The following CD1A variants were observed in gnomAD, a reference collection of about 807,000 sequenced individuals.
CD1A encodes the protein CD1a molecule, also known as T-cell surface glycoprotein CD1a.
In CD1A, 50 loss-of-function variants were observed where a neutral mutation model predicts 38.3. The ratio of observed to expected loss-of-function variants is 1.30; its 90% CI spans 1.04 to 1.65. The LOEUF (loss-of-function observed/expected upper bound fraction) is 1.65. Among genes scored for constraint, CD1A ranks in the 40% most tolerant of loss-of-function variants. The pLI is 0.00. For synonymous variants in CD1A, 160 were observed against 150.8 expected (o/e 1.06, Z -0.45); for missense variants, 459 against 406.1 (o/e 1.13, Z -1.12).
Position 158,254,472 on chromosome 1 carries a change from C to G in CD1A, c.-198C>G. 1 of 1,413,408 alleles carries G rather than the reference C, an allele frequency of 7.1e-7. No homozygotes were observed. Among genetic ancestry groups the G allele is most frequent in the Non-Finnish European group, 9.2e-7 (1 of 1,084,420 alleles). The allele number at this position is 1,413,408 out of a possible 1,614,324, so 87.6% of individuals were successfully genotyped here. On this transcript the variant is annotated 5_prime_UTR_variant, in exon 1 of 6. Coordinates refer to ENST00000289429, the MANE Select transcript of CD1A (RefSeq NM_001763.3). ...GAGAAGCTGGAACAGAGAGGAGAGT[C>G]AGAACCAGAGGGAAATGAGAGACTG...
intron 2 of CD1A, 104 bp downstream of exon 2, chr1:158,255,454 T>C: frequency 4.1e-6 from 5 of 1,217,432 alleles, no homozygotes; most frequent in Non-Finnish European, 3.4e-6. Context: ...CTGTATCTTA[T>C]TCTATTCTTT....
chr1:158,255,413 T>G, intron 2 of CD1A, 63 bp downstream of exon 2: 1 of 1,513,500 alleles, frequency 6.6e-7, no homozygotes, highest in Non-Finnish European at 9.1e-7. Context: ...TCAATGTTTC[T>G]TATTCCTTTA....
chr1:158,256,138 G>T lies in CD1A; in HGVS notation c.460G>T (p.Ala154Ser), dbSNP rs1268668698. Residue 154 changes from alanine (A) to serine (S), a missense_variant, in exon 3 of 6, where the codon GCT becomes TCT. Coordinates refer to ENST00000289429, the MANE Select transcript of CD1A (RefSeq NM_001763.3). ...QNNSWLPYPV[A>S]GNMAKHFCKV... ...CAATTCATGGTTGCCATATCCAGTG[G>T]CTGGGAATATGGCCAAGCATTTCTG... The T allele has an allele frequency of 3.1e-6, 5 of 1,614,146 alleles. No homozygotes were observed. Among genetic ancestry groups the T allele is most frequent in the South Asian group, 1.1e-5 (1 of 91,080 alleles).
chr1:158,253,810 A>G (rs754178331), upstream of CD1A, among the ~76,000 whole-genome samples: 11 of 151,934 alleles, frequency 7.2e-5, no homozygotes, highest in Non-Finnish European at 1.2e-4. Flanking sequence ...GTATAATAAA[A>G]CTCAGTACAC....
chr1:158,256,635 C>T (rs1445291584), intron 3 of CD1A, 151 bp from the exon 4 acceptor site: 2 of 877,104 alleles, frequency 2.3e-6, no homozygotes, highest in Non-Finnish European at 3.4e-6. Flanking sequence ...TATAATTATG[C>T]CACTGCATTG....
chr1:158,256,813 GC>G lies in CD1A; in HGVS notation c.636del (p.Ser213ValfsTer23). ...AAGCCCGAGGCCTGGCTGTCCCATG[GC>G]CCCAGTCCTGGCCCTGGCCATCTGC... ...QVKPEAWLSH[G>X]PSPGPGHLQL... On this transcript the variant is annotated frameshift_variant, in exon 4 of 6. Coordinates refer to ENST00000289429, the MANE Select transcript of CD1A (RefSeq NM_001763.3). LOFTEE classifies it high-confidence loss of function. 1.2e-6 allele frequency: 2 copies of G among 1,614,162 alleles called. No individual in the cohort carries two copies. Among genetic ancestry groups the G allele is most frequent in the East Asian group, 4.5e-5 (2 of 44,888 alleles).
In CD1A at chr1:158,257,454, C is replaced by T. The variant is rs199910842; in HGVS notation, c.917C>T (p.Ala306Val). Residue 306 changes from alanine (A) to valine (V), a missense_variant, in exon 5 of 6, where the codon GCG becomes GTG. Ala to Val is a moderately conservative substitution (Grantham distance 64). Coordinates refer to ENST00000289429, the MANE Select transcript of CD1A (RefSeq NM_001763.3). ...HHSSVGFIIL[A>V]VIVPLLLLIG... Reference sequence around the variant, plus strand: ...AGTTCCGTGGGCTTCATCATCTTGGCGGTGATAGTGCCTTTACTTCTTCTG... The same window carrying T: ...AGTTCCGTGGGCTTCATCATCTTGGTGGTGATAGTGCCTTTACTTCTTCTG... The T allele has an allele frequency of 1.0e-4, 167 of 1,613,986 alleles. 1 individual carries two copies. The highest frequency in any genetic ancestry group is 8.6e-4 in the South Asian group (78 of 91,070).
intron 4 of CD1A, 83 bp from the exon 5 acceptor site, chr1:158,257,338 C>A: frequency 9.1e-7 from 1 of 1,098,164 alleles, no homozygotes; most frequent in Non-Finnish European, 1.4e-6. Context: ...AAAAAAGAAG[C>A]CCAGGGAATG....
Position 158,256,792 on chromosome 1 carries a change from C to T in CD1A, c.611C>T (p.Pro204Leu). 1 of 1,613,932 alleles carries T rather than the reference C, an allele frequency of 6.2e-7. No homozygotes were observed. Among genetic ancestry groups the T allele is most frequent in the Non-Finnish European group, 8.5e-7 (1 of 1,179,812 alleles). The change falls in exon 4 of 6, where the codon CCC becomes CTC. Residue 204 changes from proline to leucine, a missense_variant. Physicochemically the swap from Pro to Leu is moderately conservative, Grantham distance 98 (BLOSUM62 -3). Coordinates refer to ENST00000289429, the MANE Select transcript of CD1A (RefSeq NM_001763.3). ...GKAHLQRQVK[P>L]EAWLSHGPSP... Reference sequence around the variant, plus strand: ...TCTTTTCTGTCCTTTGCAGTGAAGCCCGAGGCCTGGCTGTCCCATGGCCCC... The same window carrying T: ...TCTTTTCTGTCCTTTGCAGTGAAGCTCGAGGCCTGGCTGTCCCATGGCCCC...
In CD1A at chr1:158,255,145, G is replaced by A. The variant is rs866676954; in HGVS notation, c.120G>A (p.Trp40Ter). Residue 40 changes from tryptophan (W) to a stop codon, truncating the protein, a stop_gained, in exon 2 of 6, where the codon TGG (tryptophan) becomes TGA (stop). Coordinates refer to ENST00000289429, the MANE Select transcript of CD1A (RefSeq NM_001763.3). LOFTEE classifies it high-confidence loss of function. Reference protein sequence around the residue: ...TWIASFYNHSWKQNLVSGWLS... With the variant: ...TWIASFYNHS ...TCGCATCCTTTTACAACCATTCCTG[G>A]AAACAAAATCTGGTCTCAGGTTGGC... 6.2e-7 allele frequency: 1 copy of A among 1,613,882 alleles called. No individual in the cohort carries two copies.
chr1:158,251,602 T>A (rs903566882), upstream of CD1A, among the ~76,000 whole-genome samples: 1 of 152,216 alleles, frequency 6.6e-6, no homozygotes, highest in Non-Finnish European at 1.5e-5. Flanking sequence ...ATGATACTGC[T>A]TGGGAGAAGG....
upstream of CD1A, chr1:158,254,386 G>C (rs567120247): frequency 1.9e-4 from 245 of 1,274,630 alleles, 1 homozygote; most frequent in Admixed American, 1.4e-4. Flanking sequence ...TGCCACATCA[G>C]ACTTGTTCCA....
At position 158,257,859 on chromosome 1, in the gene CD1A, A is replaced by C. The variant is rs542236683; in HGVS notation, c.*169A>C. 1.6e-6 allele frequency: 1 copy of C among 637,776 alleles called. No individual in the cohort carries two copies. Among genetic ancestry groups the C allele is most frequent in the Non-Finnish European group, 2.8e-6 (1 of 359,416 alleles). The allele number at this position is 637,776 out of a possible 1,614,324, so 39.5% of individuals were successfully genotyped here. On this transcript the variant is annotated 3_prime_UTR_variant, in exon 6 of 6. Transcript: ENST00000289429. ...CTGATTAATGATTGTTTGTCAATAT[A>C]AGCTCAATTTAATTTTGCAGGATTT...
chr1:158,254,980 A>G (rs1650198353), intron 1 of CD1A, 104 bp from the exon 2 acceptor site: 1 of 1,160,732 alleles, frequency 8.6e-7, no homozygotes, highest in Admixed American at 1.9e-5. Context: ...ATCATGATGG[A>G]TCCCCTTTTC....
rs1275339684 is a variant in CD1A, at chr1:158,254,719, A to G, written c.50A>G (p.Asn17Ser). The G allele has an allele frequency of 1.9e-6, 3 of 1,612,568 alleles. No individual in the cohort carries two copies. The highest frequency in any genetic ancestry group is 3.3e-5 in the Admixed American group (2 of 59,976). The stretch of plus-strand genomic sequence containing the variant: ...TTAGCTGTTCTCCCAGGTGATGGCA[A>G]TGCAGACGGTAAGAACTCTGACAAC... ...PLLAVLPGDGNADGLKEPLSF... is the reference protein window; with the variant it reads ...PLLAVLPGDGSADGLKEPLSF... Residue 17 changes from asparagine (N) to serine (S), a missense_variant, in exon 1 of 6, where the codon AAT becomes AGT. Transcript: ENST00000289429.
In CD1A at chr1:158,257,751, G is replaced by T. The variant is rs1446178061; in HGVS notation, c.*61G>T. ...TTGGGGTGAGAGACCAGCAGCCCAA[G>T]GGCTCCAGACACACCTGAACACATC... On this transcript the variant is annotated 3_prime_UTR_variant, in exon 6 of 6. Coordinates refer to ENST00000289429, the MANE Select transcript of CD1A (RefSeq NM_001763.3). 6.7e-7 allele frequency: 1 copy of T among 1,483,926 alleles called. No individual in the cohort carries two copies. The allele number at this position is 1,483,926 out of a possible 1,614,324, so 91.9% of individuals were successfully genotyped here.
Position 158,256,380 on chromosome 1 carries a change from T to C in CD1A, c.604+98T>C, listed in dbSNP as rs1051991586. 7.6e-6 allele frequency: 9 copies of C among 1,178,974 alleles called. No homozygotes were observed. The African/African-American group carries it at 1.4e-4, about 18-fold the overall frequency. The allele number at this position is 1,178,974 out of a possible 1,614,324, so 73.0% of individuals were successfully genotyped here. On this transcript the variant is annotated intron_variant, in intron 3 of 5. Transcript: ENST00000289429. Reference sequence around the variant, plus strand: ...AGAATAAGGAAGAGCCACCCAGAAGTGGGAAAGGCTGGGTGCAGTGCCTCA... The same window carrying C: ...AGAATAAGGAAGAGCCACCCAGAAGCGGGAAAGGCTGGGTGCAGTGCCTCA...
intron 1 of CD1A, 76 bp from the exon 2 acceptor site, chr1:158,255,008 C>T (rs183076854): frequency 7.7e-5 from 112 of 1,455,900 alleles, no homozygotes; most frequent in Admixed American, 3.9e-4. Flanking sequence ...TCTGAGTTCC[C>T]GCACTCTGGC....
At chr1:158,257,386 A>C (rs754499933) in intron 4 of CD1A, 35 bp from the exon 5 acceptor site, 1 of 1,504,584 alleles carries the variant, frequency 6.6e-7, no homozygotes, top group Non-Finnish European at 9.3e-7. Flanking sequence ...AATGGGATGG[A>C]TTATAACATC....
Sources: gnomAD v4.1 joint callset for allele counts (sites outside exome capture counted in the v4.1 genomes callset) on GRCh38, gnomAD v4.1.1 for gene constraint, MANE v1.5 for transcripts, NCBI Gene and HGNC (gene_info 2026-07-23, HGNC 2026-07-21) for gene names.